SMAD2: variants seen among roughly 807,000 people sequenced by gnomAD.
The protein encoded by SMAD2 is SMAD family member 2, also known as MAD homolog 2.
In SMAD2, 8 loss-of-function variants were observed where a neutral mutation model predicts 64.4. The observed-to-expected ratio is 0.12, with a 90% confidence interval of 0.07 to 0.22. The LOEUF is 0.22. SMAD2 is among the 10% of genes least tolerant of loss of function. The probability of loss-of-function intolerance (pLI) is 1.00; values close to 1 mark genes in which losing one functional copy is unlikely to be tolerated. For missense variants in SMAD2, 289 were observed against 561.2 expected (o/e 0.51, Z 4.90); for synonymous variants, 203 against 195.8 (o/e 1.04, Z -0.31).
rs185596436 is a variant in SMAD2, at chr18:47,831,840, A to G, written c.*9987T>C. On this transcript the variant is annotated 3_prime_UTR_variant, in exon 11 of 11. Coordinates refer to ENST00000262160, the MANE Select transcript of SMAD2 (RefSeq NM_005901.6). Reference sequence around the variant, plus strand: ...CCATACCTATTTATTGCAGCAAAAGATAATTTTTATGTGTAAATTAGCTTT... The same window carrying G: ...CCATACCTATTTATTGCAGCAAAAGGTAATTTTTATGTGTAAATTAGCTTT... 2.1e-4 allele frequency: 32 copies of G among 152,346 alleles called. No homozygotes were observed. The highest frequency in any genetic ancestry group is 6.5e-4 in the African/African-American group (27 of 41,586). 9.4% of individuals were successfully genotyped at this position (152,346 alleles called of 1,614,324 possible).
intron 10 of SMAD2, 45 bp downstream of exon 10, chr18:47,845,295 A>G: frequency 5.8e-6 from 9 of 1,564,788 alleles, no homozygotes; most frequent in Admixed American, 1.7e-5. Context: ...GCAATGAAAC[A>G]TAATTACACT....
At chr18:47,925,602 A>G (rs2034730219) in intron 1 of SMAD2, among the ~76,000 whole-genome samples, 3 of 152,216 alleles carry the variant, frequency 2.0e-5, no homozygotes, top group African/African-American at 7.2e-5. Context: ...TTATGTCCTA[A>G]CTGAATACAT....
chr18:47,851,391 A>T (rs1189119566), intron 6 of SMAD2, 64 bp from the exon 7 acceptor site: 1 of 1,043,738 alleles, frequency 9.6e-7, no homozygotes, highest in Non-Finnish European at 1.5e-6. Context: ...GTAATCATAA[A>T]ACTAGCTTTA....
At chr18:47,884,336 G>A (rs2032770547) in intron 2 of SMAD2, among the ~76,000 whole-genome samples, 1 of 152,252 alleles carries the variant, frequency 6.6e-6, no homozygotes. Context: ...CCATGAATCA[G>A]GCACTGTTGT....
chr18:47,921,293 A>C (rs1025863887), intron 1 of SMAD2, among the ~76,000 whole-genome samples: 1 of 152,236 alleles, frequency 6.6e-6, no homozygotes, highest in Non-Finnish European at 1.5e-5. Flanking sequence ...TTGTACTAAA[A>C]GGTAATATAC....
chr18:47,840,888 TG>T lies in SMAD2; in HGVS notation c.*938del, dbSNP rs1598739720. 4.3e-6 allele frequency: 1 copy of T among 232,088 alleles called. No homozygotes were observed. Among genetic ancestry groups the T allele is most frequent in the East Asian group, 6.1e-5 (1 of 16,448 alleles). 14.4% of individuals were successfully genotyped at this position (232,088 alleles called of 1,614,324 possible). A position where few individuals can be genotyped will look rare whatever the true frequency, so the allele number is the denominator to read the frequency against. On this transcript the variant is annotated 3_prime_UTR_variant, in exon 11 of 11. Transcript: ENST00000262160. Reference sequence around the variant, plus strand: ...TGCCACCTATGCATTTTTTATGAGGTGGAAGGATAAATCAACAGACTGCTAG... The same window carrying T: ...TGCCACCTATGCATTTTTTATGAGGTGAAGGATAAATCAACAGACTGCTAG...
Position 47,835,966 on chromosome 18 carries a change from C to T in SMAD2, c.*5861G>A, listed in dbSNP as rs1167883549. 1 of 211,498 alleles carries T rather than the reference C, an allele frequency of 4.7e-6. No individual in the cohort carries two copies. Among genetic ancestry groups the T allele is most frequent in the Non-Finnish European group, 9.6e-6 (1 of 104,482 alleles). The allele number at this position is 211,498 out of a possible 1,614,324, so 13.1% of individuals were successfully genotyped here. On this transcript the variant is annotated 3_prime_UTR_variant, in exon 11 of 11. Transcript: ENST00000262160. Reference sequence around the variant, plus strand: ...TTGAGTTAATACACCTTCTGACCCCCATCATCAGTGGCATTATTCTTCCAA... The same window carrying T: ...TTGAGTTAATACACCTTCTGACCCCTATCATCAGTGGCATTATTCTTCCAA...
At chr18:47,898,539 A>G (rs1020226878) in intron 1 of SMAD2, among the ~76,000 whole-genome samples, 2 of 152,226 alleles carry the variant, frequency 1.3e-5, no homozygotes, top group Non-Finnish European at 2.9e-5. Flanking sequence ...ATTTCCCATC[A>G]AAGAACATGG....
At chr18:47,884,604 T>C (rs1430715942) in intron 2 of SMAD2, among the ~76,000 whole-genome samples, 1 of 152,146 alleles carries the variant, frequency 6.6e-6, no homozygotes, top group African/African-American at 2.4e-5. Flanking sequence ...GTAAGAGACA[T>C]TTTCTCAGGA....
At position 47,830,512 on chromosome 18, in the gene SMAD2, G is replaced by A. The variant is rs1298343502; in HGVS notation, c.*11315C>T. 1 of 148,826 alleles carries A rather than the reference G, an allele frequency of 6.7e-6. No homozygotes were observed. The highest frequency in any genetic ancestry group is 2.5e-5 in the African/African-American group (1 of 40,088). The allele number at this position is 148,826 out of a possible 1,614,324, so 9.2% of individuals were successfully genotyped here. ...GAATCACTTGAACCCAGGAGGCGAG[G>A]CTGCAGTGAGCCGAGATCGCCCCAC... On this transcript the variant is annotated 3_prime_UTR_variant, in exon 11 of 11. Transcript: ENST00000262160.
Position 47,819,980 on chromosome 18 carries a change from C to A in SMAD2, c.*21847G>T, listed in dbSNP as rs775899764. On this transcript the variant is annotated 3_prime_UTR_variant, in exon 11 of 11. Coordinates refer to ENST00000262160, the MANE Select transcript of SMAD2 (RefSeq NM_005901.6). ...TGTGCCTGTGAACAGCCACTGAACT[C>A]CAGCCTGGGTAACACAGCAAGACAT... 9.2e-5 allele frequency: 14 copies of A among 152,096 alleles called. No homozygotes were observed. The highest frequency in any genetic ancestry group is 4.6e-4 in the Admixed American group (7 of 15,228). The allele number at this position is 152,096 out of a possible 1,614,324, so 9.4% of individuals were successfully genotyped here. A position where few individuals can be genotyped will look rare whatever the true frequency, so the allele number is the denominator to read the frequency against.
intron 1 of SMAD2, among the ~76,000 whole-genome samples, chr18:47,904,443 C>T (rs1240375500): frequency 6.6e-6 from 1 of 151,902 alleles, no homozygotes; most frequent in Non-Finnish European, 1.5e-5. Context: ...ACAATAACCA[C>T]CATATTCTAC....
At chr18:47,910,035 G>A (rs1186454359) in intron 1 of SMAD2, among the ~76,000 whole-genome samples, 3 of 152,126 alleles carry the variant, frequency 2.0e-5, no homozygotes, top group Non-Finnish European at 4.4e-5. Flanking sequence ...TGCCATTGCT[G>A]TTATAGAAAA....
intron 8 of SMAD2, among the ~76,000 whole-genome samples, chr18:47,847,728 G>A (rs1207114205): frequency 7.0e-6 from 1 of 142,386 alleles, no homozygotes; most frequent in African/African-American, 2.6e-5. Flanking sequence ...AAAATAGAGT[G>A]GCAACATTTC....
rs1913598432 is a variant in SMAD2 at position 47,838,030 on chromosome 18, A to G, written c.*3797T>C. ...GAAAAAAGAGAAGGATCTTAAAGGT[A>G]TATATGGGAAGCTTTTAAGAGGTAG... On this transcript the variant is annotated 3_prime_UTR_variant, in exon 11 of 11. Transcript: ENST00000262160. 4.3e-6 allele frequency: 1 copy of G among 232,670 alleles called. No individual in the cohort carries two copies. The highest frequency in any genetic ancestry group is 5.6e-5 in the Admixed American group (1 of 17,756). 14.4% of individuals were successfully genotyped at this position (232,670 alleles called of 1,614,324 possible).
chr18:47,851,068 T>G (rs1330395628), intron 7 of SMAD2, among the ~76,000 whole-genome samples: 1 of 150,698 alleles, frequency 6.6e-6, no homozygotes, highest in Non-Finnish European at 1.5e-5. Context: ...ATTTCTTATA[T>G]GTGCCAGCAG....
In SMAD2 at chr18:47,814,968, G is replaced by A. The variant is rs1912319973; in HGVS notation, c.*26859C>T. The stretch of plus-strand genomic sequence containing the variant: ...GCATGACAGCAGTGAACAAAAGCCA[G>A]GGACCCACTTACATTACCCAGTAGA... On this transcript the variant is annotated 3_prime_UTR_variant, in exon 11 of 11. Transcript: ENST00000262160. 6.6e-6 allele frequency: 1 copy of A among 152,538 alleles called. No individual in the cohort carries two copies. The highest frequency in any genetic ancestry group is 1.5e-5 in the Non-Finnish European group (1 of 68,334). 9.4% of individuals were successfully genotyped at this position (152,538 alleles called of 1,614,324 possible).
chr18:47,869,107 C>T (rs952252745), intron 4 of SMAD2, 136 bp downstream of exon 4: 34 of 629,656 alleles, frequency 5.4e-5, no homozygotes, highest in South Asian at 8.8e-5. Context: ...TTTTAATTAC[C>T]ACCAAATAAT....
rs775988160 is a variant in SMAD2, at chr18:47,848,698, A to G, written c.785-11T>C. 1.9e-6 allele frequency: 3 copies of G among 1,542,044 alleles called. No homozygotes were observed. Among genetic ancestry groups the G allele is most frequent in the South Asian group, 2.3e-5 (2 of 87,816 alleles). On this transcript the variant is annotated splice_polypyrimidine_tract_variant and intron_variant, in intron 7 of 10. Coordinates refer to ENST00000262160, the MANE Select transcript of SMAD2 (RefSeq NM_005901.6). ...TAACTGGCTGTAAATCTGAAAAAGA[A>G]AAAAATAAAAAAATAATAAAAGGAA...
Sources: allele counts gnomAD v4.1 joint callset (sites outside exome capture counted in the v4.1 genomes callset), GRCh38; gene constraint gnomAD v4.1.1; transcripts MANE v1.5; gene names NCBI Gene and HGNC (gene_info 2026-07-23, HGNC 2026-07-21).